HSPB8: variants seen among roughly 807,000 people sequenced by gnomAD.
HSPB8 encodes the protein heat shock protein family B (small) member 8.
In HSPB8, 9 loss-of-function variants were observed where a neutral mutation model predicts 16.5. The ratio of observed to expected loss-of-function variants is 0.55; its 90% CI spans 0.33 to 0.95. HSPB8 has a LOEUF of 0.95. HSPB8 is among the 40% of genes least tolerant of loss of function. HSPB8 has a pLI of 0.03. For synonymous variants in HSPB8, 99 were observed against 94.8 expected (o/e 1.04, Z -0.26); for missense variants, 238 against 251.2 (o/e 0.95, Z 0.35).
chr12:119,191,468 T>G (rs531631254), intron 2 of HSPB8, among the ~76,000 whole-genome samples: 1 of 152,142 alleles, frequency 6.6e-6, no homozygotes, highest in Non-Finnish European at 1.5e-5. Flanking sequence ...GTTCCCTCTT[T>G]TTCTTCCAAA....
intron 2 of HSPB8, among the ~76,000 whole-genome samples, chr12:119,188,863 A>G (rs576347284): frequency 6.6e-6 from 1 of 152,304 alleles, no homozygotes; most frequent in South Asian, 2.1e-4. Flanking sequence ...GTGGGAGTTC[A>G]TTATTACTAT....
intron 2 of HSPB8, among the ~76,000 whole-genome samples, chr12:119,187,941 G>A (rs912795785): frequency 7.2e-5 from 11 of 152,158 alleles, no homozygotes. Context: ...TTTGGAGGCT[G>A]AGACACTGGG....
At chr12:119,185,654 T>TTA (rs1954671627) in intron 1 of HSPB8, among the ~76,000 whole-genome samples, 1 of 141,676 alleles carries the variant, frequency 7.1e-6, no homozygotes, top group African/African-American at 2.7e-5. Flanking sequence ...TATTATTATT[T>TTA]TTAGAAACAG....
At position 119,179,398 on chromosome 12, in the gene HSPB8, G is replaced by T; in HGVS notation, c.86G>T (p.Arg29Leu). ...TTCCGGGACTCTCCCCTCTCCTCTC[G>T]CCTGCTGGATGATGGCTTTGGCATG... ...DPFRDSPLSS[R>L]LLDDGFGMDP... The change falls in exon 1 of 3, where the codon CGC becomes CTC. Residue 29 changes from arginine (R) to leucine (L), a missense_variant. Arg to Leu is a moderately radical substitution (Grantham distance 102). Coordinates refer to ENST00000281938, the MANE Select transcript of HSPB8 (RefSeq NM_014365.3). 3 of 1,614,006 alleles carry T rather than the reference G, an allele frequency of 1.9e-6. No individual in the cohort carries two copies. Among genetic ancestry groups the T allele is most frequent in the Non-Finnish European group, 2.5e-6 (3 of 1,179,998 alleles).
At chr12:119,182,409 C>T (rs1331544081) in intron 1 of HSPB8, among the ~76,000 whole-genome samples, 6 of 152,068 alleles carry the variant, frequency 3.9e-5, no homozygotes, top group East Asian at 1.9e-4. Context: ...GAGGCCAAGG[C>T]GGGAGGATCG....
chr12:119,184,974 T>C (rs1345613216), intron 1 of HSPB8, among the ~76,000 whole-genome samples: 1 of 152,166 alleles, frequency 6.6e-6, no homozygotes, highest in Non-Finnish European at 1.5e-5. Flanking sequence ...CCAAACATAA[T>C]GCAGAGAACT....
intron 1 of HSPB8, among the ~76,000 whole-genome samples, chr12:119,184,112 C>T (rs1954657570): frequency 1.3e-5 from 2 of 152,200 alleles, no homozygotes; most frequent in South Asian, 4.1e-4. Flanking sequence ...ACCCAATATT[C>T]CAGAACCTGT....
At chr12:119,191,776 T>C (rs1954713964) in intron 2 of HSPB8, among the ~76,000 whole-genome samples, 1 of 152,108 alleles carries the variant, frequency 6.6e-6, no homozygotes, top group South Asian at 2.1e-4. Flanking sequence ...AGTCCTTCTT[T>C]CAAATGTCTG....
intron 1 of HSPB8, among the ~76,000 whole-genome samples, chr12:119,181,315 G>A (rs941744019): frequency 3.9e-5 from 6 of 152,212 alleles, no homozygotes; most frequent in African/African-American, 1.4e-4. Context: ...ATCAATATAT[G>A]TAAGAAGTAC....
In HSPB8 at chr12:119,179,476, G is replaced by T; in HGVS notation, c.164G>T (p.Arg55Leu). ...TCTTGGCCCGACTGGGCTCTGCCTC[G>T]TCTCTCCTCCGCCTGGCCAGGCACC... ...TASWPDWALPRLSSAWPGTLR... is the reference protein window; with the variant it reads ...TASWPDWALPLLSSAWPGTLR... Residue 55 changes from arginine (R) to leucine (L), a missense_variant, in exon 1 of 3, where the codon CGT (arginine) becomes CTT (leucine). Arg to Leu is a moderately radical substitution (Grantham distance 102). Coordinates refer to ENST00000281938, the MANE Select transcript of HSPB8 (RefSeq NM_014365.3). The T allele has an allele frequency of 6.2e-7, 1 of 1,613,958 alleles. No individual in the cohort carries two copies. Among genetic ancestry groups the T allele is most frequent in the Non-Finnish European group, 8.5e-7 (1 of 1,180,008 alleles).
intron 2 of HSPB8, among the ~76,000 whole-genome samples, chr12:119,189,031 G>A (rs549002963): frequency 1.1e-4 from 17 of 152,264 alleles, no homozygotes; most frequent in African/African-American, 4.1e-4. Flanking sequence ...CACAGCCTCT[G>A]CAGTTCTTGG....
intron 2 of HSPB8, 37 bp from the exon 3 acceptor site, chr12:119,193,662 A>G (rs753382444): frequency 3.7e-6 from 6 of 1,607,436 alleles, no homozygotes; most frequent in East Asian, 2.2e-5. Context: ...AGCAATATTA[A>G]CAACAATAAA....
chr12:119,190,002 C>T (rs937727877), intron 2 of HSPB8, among the ~76,000 whole-genome samples: 4 of 152,198 alleles, frequency 2.6e-5, no homozygotes, highest in Non-Finnish European at 5.9e-5. Flanking sequence ...GGAGTCCTGG[C>T]TCCATGAGAA....
intron 2 of HSPB8, among the ~76,000 whole-genome samples, chr12:119,188,905 C>A (rs958273663): frequency 6.6e-6 from 1 of 152,162 alleles, no homozygotes; most frequent in African/African-American, 2.4e-5. Flanking sequence ...TTTCCATCAG[C>A]CTTTGCAAAG....
chr12:119,179,076 G>T lies in HSPB8; in HGVS notation c.-237G>T. The T allele has an allele frequency of 3.4e-6, 2 of 596,518 alleles. No individual in the cohort carries two copies. The highest frequency in any genetic ancestry group is 1.9e-5 in the South Asian group (1 of 52,440). 37.0% of individuals were successfully genotyped at this position (596,518 alleles called of 1,614,324 possible). On this transcript the variant is annotated 5_prime_UTR_variant, in exon 1 of 3. Coordinates refer to ENST00000281938, the MANE Select transcript of HSPB8 (RefSeq NM_014365.3). ...CGGTCTGTCGTGAGGCAGTGCGGAC[G>T]GGGACCCTCTGGGATTCTGCTGGAT...
chr12:119,190,778 T>C (rs1334788130), intron 2 of HSPB8, among the ~76,000 whole-genome samples: 1 of 152,166 alleles, frequency 6.6e-6, no homozygotes, highest in Non-Finnish European at 1.5e-5. Context: ...CTAGATAATA[T>C]TGCCTGCCTA....
chr12:119,185,059 C>T (rs575121343), intron 1 of HSPB8, among the ~76,000 whole-genome samples: 1 of 151,692 alleles, frequency 6.6e-6, no homozygotes, highest in African/African-American at 2.4e-5. Context: ...ATAGAAAAGT[C>T]GGAACATATA....
At chr12:119,190,671 C>T (rs1020141091) in intron 2 of HSPB8, among the ~76,000 whole-genome samples, 1 of 152,090 alleles carries the variant, frequency 6.6e-6, no homozygotes, top group Non-Finnish European at 1.5e-5. Context: ...TAGATCATCT[C>T]ATTTTTGATA....
intron 2 of HSPB8, among the ~76,000 whole-genome samples, chr12:119,192,442 G>A (rs1050055920): frequency 6.6e-6 from 1 of 152,094 alleles, no homozygotes; most frequent in Non-Finnish European, 1.5e-5. Flanking sequence ...GGATCACAAG[G>A]TCAGGAGTTC....
Sources: allele counts gnomAD v4.1 joint callset (sites outside exome capture counted in the v4.1 genomes callset), GRCh38; gene constraint gnomAD v4.1.1; transcripts MANE v1.5; gene names NCBI Gene and HGNC (gene_info 2026-07-23, HGNC 2026-07-21).